The following STRIP1 variants were observed in gnomAD, a reference collection of about 807,000 sequenced individuals.
The protein encoded by STRIP1 is striatin interacting protein 1, also known as striatin-interacting protein 1.
STRIP1 carries 63 observed loss-of-function variants against 106.2 expected under a neutral mutation model. The ratio of observed to expected loss-of-function variants is 0.59; its 90% CI spans 0.48 to 0.73. The LOEUF (loss-of-function observed/expected upper bound fraction) is 0.73. STRIP1 is among the 30% of genes least tolerant of loss of function. The probability of loss-of-function intolerance (pLI) is 0.00; values close to 1 mark genes in which losing one functional copy is unlikely to be tolerated. For synonymous variants in STRIP1, 390 were observed against 413.0 expected (o/e 0.94, Z 0.67); for missense variants, 857 against 1,074.8 (o/e 0.80, Z 2.83).
At chr1:110,045,351 C>T in intron 12 of STRIP1, 1 of 416,312 alleles carries the variant, frequency 2.4e-6, no homozygotes, top group South Asian at 2.4e-5. Flanking sequence ...AAGGCATGCA[C>T]CTGTAGTCCC....
rs1461050141 is a variant in STRIP1, at chr1:110,039,283, G to A, written c.437G>A (p.Arg146Gln). The A allele has an allele frequency of 6.2e-7, 1 of 1,614,140 alleles. No individual in the cohort carries two copies. Among genetic ancestry groups the A allele is most frequent in the Non-Finnish European group, 8.5e-7 (1 of 1,180,018 alleles). ...AGGGAGAAGAGACTCAAGGTGGCTC[G>A]AGCAATTCTCTATGTTGCTCAAGGT... is the stretch of plus-strand genomic sequence containing the variant. ...TAREKRLKVA[R>Q]AILYVAQGTF... Residue 146 changes from arginine (R) to glutamine (Q), a missense_variant, in exon 4 of 21, where the codon CGA (arginine) becomes CAA (glutamine). Around this residue, in one of 2 missense-constraint regions of STRIP1, gnomAD observed 750 missense variants for 989.8 expected, o/e 0.76. Coordinates refer to ENST00000369795, the MANE Select transcript of STRIP1 (RefSeq NM_033088.4).
chr1:110,040,779 G>T, intron 6 of STRIP1, 76 bp downstream of exon 6: 2 of 1,282,588 alleles, frequency 1.6e-6, no homozygotes, highest in Non-Finnish European at 2.2e-6. Context: ...GAGGCTGTCT[G>T]TGGGTGTCAT....
intron 18 of STRIP1, among the ~76,000 whole-genome samples, chr1:110,050,621 GTGT>G (rs1251223091): frequency 6.6e-6 from 1 of 152,252 alleles, no homozygotes; most frequent in Non-Finnish European, 1.5e-5. Context: ...TAGTCAGGGA[GTGT>G]GGTCTTCAGG....
At chr1:110,040,872 C>A (rs1205377597) in intron 6 of STRIP1, among the ~76,000 whole-genome samples, 169 bp downstream of exon 6, 1 of 152,118 alleles carries the variant, frequency 6.6e-6, no homozygotes, top group Non-Finnish European at 1.5e-5. Flanking sequence ...GAGGGCTCGT[C>A]CTAGGTGGGA....
chr1:110,053,885 C>T lies in STRIP1; in HGVS notation c.2487C>T (p.Pro829=), dbSNP rs1653417430. The change falls in exon 21 of 21, where the codon CCC becomes CCT. Residue 829 remains proline (P), a synonymous_variant. Transcript: ENST00000369795. The part of the protein sequence containing the change: ...LWLEREVFSK[P]ISWEELLQ ...TAGAAAGGGAGGTCTTCTCCAAGCC[C>T]ATTTCCTGGGAAGAGCTGCTGCAGT... 2 of 1,614,116 alleles carry T rather than the reference C, an allele frequency of 1.2e-6. No homozygotes were observed. Among genetic ancestry groups the T allele is most frequent in the Non-Finnish European group, 1.7e-6 (2 of 1,180,024 alleles).
Position 110,053,774 on chromosome 1 carries a change from C to T in STRIP1, c.2376C>T (p.Phe792=). ...RYDRAHSNPD[F]LPVDNCLQSV... ...ACCGGGCCCACAGCAACCCTGACTT[C>T]CTGCCAGTGGACAACTGCCTGCAGA... Residue 792 remains phenylalanine (F), a synonymous_variant, in exon 21 of 21, where the codon TTC becomes TTT. Transcript: ENST00000369795. The T allele has an allele frequency of 2.5e-6, 4 of 1,614,198 alleles. No individual in the cohort carries two copies. In the South Asian group the frequency reaches 4.4e-5, roughly 18 times the overall value.
intron 19 of STRIP1, 48 bp downstream of exon 19, chr1:110,051,108 A>T (rs1260813703): frequency 1.5e-6 from 2 of 1,296,398 alleles, no homozygotes; most frequent in Admixed American, 3.4e-5. Flanking sequence ...GAGCTCAAAG[A>T]AGAGTGCTGG....
chr1:110,047,377 A>G (rs1489711034), intron 13 of STRIP1, among the ~76,000 whole-genome samples, 165 bp from the exon 14 acceptor site: 2 of 152,240 alleles, frequency 1.3e-5, no homozygotes, highest in African/African-American at 2.4e-5. Context: ...AGTTATTACA[A>G]GTAAAATGCT....
intron 17 of STRIP1, 24 bp from the exon 18 acceptor site, chr1:110,050,319 A>C (rs200506144): frequency 6.2e-7 from 1 of 1,613,698 alleles, no homozygotes; most frequent in Non-Finnish European, 8.5e-7. Context: ...CATGGTGGGC[A>C]TCTGGTTCCT....
chr1:110,045,859 G>T (rs1017883821), intron 12 of STRIP1, among the ~76,000 whole-genome samples: 1 of 152,176 alleles, frequency 6.6e-6, no homozygotes, highest in African/African-American at 2.4e-5. Flanking sequence ...CATACTCTCC[G>T]ATCAGAGAAG....
intron 14 of STRIP1, 55 bp from the exon 15 acceptor site, chr1:110,047,717 C>A (rs1161668891): frequency 6.5e-6 from 10 of 1,542,310 alleles, no homozygotes; most frequent in Non-Finnish European, 7.0e-6. Flanking sequence ...CTGCTCAGAG[C>A]TTAATTTTGA....
chr1:110,043,908 AC>A, intron 10 of STRIP1, 52 bp downstream of exon 10: 2 of 1,532,582 alleles, frequency 1.3e-6, no homozygotes, highest in Non-Finnish European at 1.8e-6. Flanking sequence ...GAGCCCTCAC[AC>A]CCTCAGGCCT....
Position 110,040,675 on chromosome 1 carries a change from A to G in STRIP1, c.622A>G (p.Ile208Val), listed in dbSNP as rs764579475. The G allele has an allele frequency of 2.5e-6, 4 of 1,612,380 alleles. No individual in the cohort carries two copies. Among genetic ancestry groups the G allele is most frequent in the Admixed American group, 3.3e-5 (2 of 59,850 alleles). ...CAGCAGTGCTGTGAGGAAGCCTGCC[A>G]TCTCCCTGGCTGACAGCACAGACCT... ...ACSSAVRKPA[I>V]SLADSTDLRV... is the part of the protein sequence containing the mutation. The change falls in exon 6 of 21, where the codon ATC (isoleucine) becomes GTC (valine). Residue 208 changes from isoleucine (I) to valine (V), a missense_variant. Ile to Val is a conservative substitution (Grantham distance 29, BLOSUM62 3). Around this residue, in one of 2 missense-constraint regions of STRIP1, gnomAD observed 750 missense variants for 989.8 expected, o/e 0.76. Coordinates refer to ENST00000369795, the MANE Select transcript of STRIP1 (RefSeq NM_033088.4).
chr1:110,053,056 G>C (rs1450379750), intron 20 of STRIP1, among the ~76,000 whole-genome samples: 1 of 152,124 alleles, frequency 6.6e-6, no homozygotes, highest in Non-Finnish European at 1.5e-5. Context: ...CGGGCTGTCA[G>C]TCCAGCCTCC....
Position 110,046,716 on chromosome 1 carries a change from A to G in STRIP1, c.1453A>G (p.Met485Val), listed in dbSNP as rs755666930. 7.4e-6 allele frequency: 12 copies of G among 1,613,270 alleles called. No individual in the cohort carries two copies. In the Admixed American group the frequency reaches 1.3e-4, roughly 18 times the overall value. ...YTSIAEVQAQMEEEYLRSPLS... is the reference protein window; with the variant it reads ...YTSIAEVQAQVEEEYLRSPLS... ...GTCGATTGCAGAGGTCCAGGCACAG[A>G]TGGAGGAGGAATACCTCCGCTCCCC... The change falls in exon 13 of 21, where the codon ATG becomes GTG. Residue 485 changes from methionine (M) to valine (V), a missense_variant. Met to Val is a conservative substitution (Grantham distance 21). Transcript: ENST00000369795.
intron 13 of STRIP1, among the ~76,000 whole-genome samples, chr1:110,047,070 C>T (rs547007477): frequency 2.6e-5 from 4 of 152,240 alleles, no homozygotes; most frequent in African/African-American, 9.6e-5. Flanking sequence ...TAGAGGTCCT[C>T]TTCAGCCCCC....
intron 8 of STRIP1, 56 bp downstream of exon 8, chr1:110,041,917 T>C: frequency 6.5e-7 from 1 of 1,544,722 alleles, no homozygotes; most frequent in Admixed American, 1.8e-5. Flanking sequence ...GTAGGGAGAC[T>C]GTTCCTTGAA....
At chr1:110,041,171 C>A (rs559779025) in intron 6 of STRIP1, 106 of 189,048 alleles carry the variant, frequency 5.6e-4, no homozygotes, top group Non-Finnish European at 9.4e-4. Flanking sequence ...GGGTTGAAAT[C>A]TGGCTCTTTT....
intron 8 of STRIP1, 103 bp downstream of exon 8, chr1:110,041,964 T>C: frequency 7.6e-7 from 1 of 1,318,110 alleles, no homozygotes; most frequent in Non-Finnish European, 1.0e-6. Context: ...ACTGTAAAAC[T>C]GCTTTGGTAA....
Sources: allele counts gnomAD v4.1 joint callset (sites outside exome capture counted in the v4.1 genomes callset), GRCh38; gene constraint gnomAD v4.1.1; regional missense constraint gnomAD v4.1.1; transcripts MANE v1.5; gene names NCBI Gene and HGNC (gene_info 2026-07-23, HGNC 2026-07-21).